PTPN9: variants seen among roughly 807,000 people sequenced by gnomAD.
PTPN9 encodes protein tyrosine phosphatase non-receptor type 9, also known as tyrosine-protein phosphatase non-receptor type 9.
PTPN9 carries 26 observed loss-of-function variants against 69.8 expected under a neutral mutation model. The ratio of observed to expected loss-of-function variants is 0.37; its 90% CI spans 0.27 to 0.52. The LOEUF (loss-of-function observed/expected upper bound fraction) is 0.52, where lower values mean the gene tolerates loss of function less well. Ranked by LOEUF, PTPN9 falls within the 20% of genes least tolerant of loss-of-function variation. The probability of loss-of-function intolerance (pLI) is 0.91; values close to 1 mark genes in which losing one functional copy is unlikely to be tolerated. For synonymous variants in PTPN9, 274 were observed against 272.5 expected (o/e 1.01, Z -0.05); for missense variants, 549 against 740.3 (o/e 0.74, Z 3.00).
chr15:75,577,002 C>T (rs542930645), intron 1 of PTPN9, among the ~76,000 whole-genome samples: 122 of 151,776 alleles, frequency 8.0e-4, no homozygotes, highest in African/African-American at 2.8e-3. Context: ...ATTTTAAAAA[C>T]ACACACACAC....
chr15:75,486,459 C>G (rs1018595707), intron 8 of PTPN9, among the ~76,000 whole-genome samples: 3 of 152,158 alleles, frequency 2.0e-5, no homozygotes, highest in African/African-American at 4.8e-5. Flanking sequence ...GAAAGGGGCC[C>G]TCACCAGACC....
chr15:75,517,807 ACT>A (rs576469565), intron 4 of PTPN9, among the ~76,000 whole-genome samples: 6 of 152,170 alleles, frequency 3.9e-5, no homozygotes, highest in African/African-American at 1.4e-4. Flanking sequence ...GCCTTAATAA[ACT>A]CTGTATAGCC....
chr15:75,481,338 G>GT (rs1415923819), intron 8 of PTPN9, among the ~76,000 whole-genome samples: 1 of 43,098 alleles, frequency 2.3e-5, no homozygotes, highest in Non-Finnish European at 4.9e-5. Flanking sequence ...CGGGAGGGAG[G>GT]TGGGGGGGGG....
Position 75,505,896 on chromosome 15 carries a change from C to A in PTPN9, c.747G>T (p.Gln249His). 1 of 1,614,054 alleles carries A rather than the reference C, an allele frequency of 6.2e-7. No homozygotes were observed. The highest frequency in any genetic ancestry group is 8.5e-7 in the Non-Finnish European group (1 of 1,179,990). Residue 249 changes from glutamine to histidine, a missense_variant, in exon 7 of 13, where the codon CAG becomes CAT. By Grantham distance (24) the Gln-to-His change is conservative. Transcript: ENST00000618819. Reference protein sequence around the residue: ...VKIDLATWNFQFLPQVNGHPD... With the variant: ...VKIDLATWNFHFLPQVNGHPD... ...GGTGGCCGTTCACCTGGGGTAGGAA[C>A]TGGAAATTCCAAGTGGCGAGATCAA...
chr15:75,488,158 G>T (rs2074689117), intron 8 of PTPN9, among the ~76,000 whole-genome samples: 1 of 152,164 alleles, frequency 6.6e-6, no homozygotes, highest in South Asian at 2.1e-4. Flanking sequence ...GCATGCACCT[G>T]TAATCCCAGC....
At chr15:75,513,789 G>C (rs943246793) in intron 5 of PTPN9, among the ~76,000 whole-genome samples, 11 of 151,658 alleles carry the variant, frequency 7.3e-5, no homozygotes, top group Non-Finnish European at 1.3e-4. Flanking sequence ...CAACAAAAAA[G>C]AATCAGTCTT....
At chr15:75,550,776 C>T (rs2141335077) in intron 1 of PTPN9, among the ~76,000 whole-genome samples, 1 of 152,140 alleles carries the variant, frequency 6.6e-6, no homozygotes, top group South Asian at 2.1e-4. Flanking sequence ...AAGAGTGAAA[C>T]TCCATCTTGG....
At position 75,468,207 on chromosome 15, in the gene PTPN9, T is replaced by C. The variant is rs2074545354; in HGVS notation, c.*562A>G. Reference sequence around the variant, plus strand: ...ATATTATCACATACAATATATATTATATACACACGTACATATGGACCCATA... The same window carrying C: ...ATATTATCACATACAATATATATTACATACACACGTACATATGGACCCATA... On this transcript the variant is annotated 3_prime_UTR_variant, in exon 13 of 13. Transcript: ENST00000618819. 1 of 154,338 alleles carries C rather than the reference T, an allele frequency of 6.5e-6. No individual in the cohort carries two copies. Among genetic ancestry groups the C allele is most frequent in the African/African-American group, 2.4e-5 (1 of 41,444 alleles). 9.6% of individuals were successfully genotyped at this position (154,338 alleles called of 1,614,324 possible).
intron 8 of PTPN9, among the ~76,000 whole-genome samples, chr15:75,484,406 C>A (rs1281098969): frequency 6.6e-6 from 1 of 152,186 alleles, no homozygotes; most frequent in East Asian, 1.9e-4. Context: ...ACGAGCCAAA[C>A]ACCTGGACTC....
intron 8 of PTPN9, chr15:75,480,653 C>G: frequency 8.1e-7 from 1 of 1,235,680 alleles, no homozygotes; most frequent in Non-Finnish European, 1.0e-6. Context: ...CGGGCCCCAG[C>G]TGCAGATATG....
chr15:75,569,148 G>C (rs1379636885), intron 1 of PTPN9, among the ~76,000 whole-genome samples: 2 of 152,144 alleles, frequency 1.3e-5, no homozygotes, highest in Non-Finnish European at 2.9e-5. Flanking sequence ...ACCAAGGCAG[G>C]ATGGTAGACA....
intron 1 of PTPN9, among the ~76,000 whole-genome samples, chr15:75,535,795 A>G (rs2074980317): frequency 6.6e-6 from 1 of 152,104 alleles, no homozygotes; most frequent in Non-Finnish European, 1.5e-5. Flanking sequence ...TTCAGCCCAT[A>G]TTAATCTGCT....
At chr15:75,497,898 A>T (rs530393466) in intron 7 of PTPN9, among the ~76,000 whole-genome samples, 3 of 151,894 alleles carry the variant, frequency 2.0e-5, no homozygotes, top group East Asian at 1.9e-4. Context: ...GTAAAATCTT[A>T]AAAAATTTCA....
chr15:75,486,806 C>T (rs1246080406), intron 8 of PTPN9, among the ~76,000 whole-genome samples: 2 of 118,074 alleles, frequency 1.7e-5, no homozygotes, highest in African/African-American at 3.3e-5. Flanking sequence ...TTTTTTGAGA[C>T]GGAGTCTTTG....
chr15:75,490,656 G>A (rs2074704188), intron 7 of PTPN9, among the ~76,000 whole-genome samples: 1 of 151,964 alleles, frequency 6.6e-6, no homozygotes, highest in East Asian at 1.9e-4. Context: ...ACGGAGTCTC[G>A]CTCTGTTGCC....
intron 6 of PTPN9, 136 bp downstream of exon 6, chr15:75,508,781 A>G (rs2074832417): frequency 6.3e-6 from 4 of 637,286 alleles, no homozygotes; most frequent in Admixed American, 2.6e-5. Context: ...GGTAGAGAAT[A>G]TAAGTGAATG....
intron 7 of PTPN9, among the ~76,000 whole-genome samples, chr15:75,495,022 T>TTAAA (rs1306250875): frequency 1.3e-5 from 2 of 151,974 alleles, no homozygotes; most frequent in East Asian, 1.9e-4. Flanking sequence ...AGACCCCATC[T>TTAAA]TAAATAAATA....
intron 1 of PTPN9, among the ~76,000 whole-genome samples, chr15:75,550,830 T>A (rs2075053859): frequency 6.6e-6 from 1 of 152,042 alleles, no homozygotes; most frequent in South Asian, 2.1e-4. Context: ...TTTTCTTTTT[T>A]GTTGAGCAGG....
chr15:75,523,289 A>C, intron 3 of PTPN9, 44 bp from the exon 4 acceptor site: 3 of 1,592,102 alleles, frequency 1.9e-6, no homozygotes, highest in Non-Finnish European at 2.6e-6. Flanking sequence ...TCAAATAGAA[A>C]ATCACAGCAA....
Sources: allele counts gnomAD v4.1 joint callset (sites outside exome capture counted in the v4.1 genomes callset), GRCh38; gene constraint gnomAD v4.1.1; transcripts MANE v1.5; gene names NCBI Gene and HGNC (gene_info 2026-07-23, HGNC 2026-07-21).